Variants in CD109 observed in about 807,000 individuals in gnomAD.
CD109 encodes the protein CD109 molecule.
In CD109, 149 loss-of-function variants were observed where a neutral mutation model predicts 165.8. The ratio of observed to expected loss-of-function variants is 0.90; its 90% CI spans 0.79 to 1.03. The LOEUF (loss-of-function observed/expected upper bound fraction) is 1.03, where lower values mean the gene tolerates loss of function less well. Ranked by LOEUF, CD109 falls within the 50% of genes least tolerant of loss-of-function variation. The probability of loss-of-function intolerance (pLI) is 0.00; values close to 1 mark genes in which losing one functional copy is unlikely to be tolerated. For synonymous variants in CD109, 585 were observed against 592.1 expected, an observed-to-expected ratio of 0.99 and a Z score of 0.18; for missense variants, 1,712 against 1,677.8, an observed-to-expected ratio of 1.02 and a Z score of -0.36.
intron 2 of CD109, among the ~76,000 whole-genome samples, chr6:73,703,346 A>C (rs62438662): frequency 0.4 from 61,563 of 152,188 alleles, 13,241 homozygotes; most frequent in Non-Finnish European, 0.5. Flanking sequence ...AAGAATTACA[A>C]AATGAAATGC....
upstream of CD109, among the ~76,000 whole-genome samples, chr6:73,692,878 T>G (rs1770714170): frequency 1.3e-5 from 2 of 152,206 alleles, no homozygotes; most frequent in Non-Finnish European, 2.9e-5. Flanking sequence ...TTGTGAGGCC[T>G]CCCAGCCATG....
At chr6:73,703,447 G>A (rs560009125) in intron 2 of CD109, among the ~76,000 whole-genome samples, 6 of 152,308 alleles carry the variant, frequency 3.9e-5, no homozygotes, top group Non-Finnish European at 7.3e-5. Context: ...CTAATATATG[G>A]CTGGGAGACT....
intron 32 of CD109, among the ~76,000 whole-genome samples, chr6:73,822,609 A>C (rs193292898): frequency 1.4e-4 from 22 of 152,360 alleles, no homozygotes; most frequent in African/African-American, 5.0e-4. Flanking sequence ...ACTTAGTTGC[A>C]AAATTCCCCA....
chr6:73,772,505 CAA>C (rs1027095366), intron 15 of CD109, among the ~76,000 whole-genome samples: 128 of 39,540 alleles, frequency 3.2e-3, no homozygotes, highest in Middle Eastern at 0.019. Flanking sequence ...GACTCTGTCT[CAA>C]AAAAAAAAAA....
At chr6:73,712,408 G>C (rs117961220) in intron 2 of CD109, among the ~76,000 whole-genome samples, 1 of 152,166 alleles carries the variant, frequency 6.6e-6, no homozygotes, top group Non-Finnish European at 1.5e-5. Flanking sequence ...GTAGCAAAAG[G>C]CTGCCAAAAA....
intron 2 of CD109, among the ~76,000 whole-genome samples, chr6:73,707,720 A>G (rs933637993): frequency 1.3e-5 from 2 of 152,088 alleles, no homozygotes; most frequent in Non-Finnish European, 2.9e-5. Flanking sequence ...AGTATAAAAT[A>G]CATAATGGAT....
chr6:73,825,977 CAAAA>C lies in CD109; in HGVS notation c.*2347_*2350del, dbSNP rs1440301890. On this transcript the variant is annotated 3_prime_UTR_variant, in exon 33 of 33. Coordinates refer to ENST00000287097, the MANE Select transcript of CD109 (RefSeq NM_133493.5). ...TGGGGGACAGAGTGAGATTCTGTCT[CAAAA>C]AACAAAAAACAAAAAAGTCACCTTG... The C allele has an allele frequency of 6.6e-6, 1 of 151,878 alleles. No individual in the cohort carries two copies. The highest frequency in any genetic ancestry group is 1.9e-4 in the East Asian group (1 of 5,186). The allele number at this position is 151,878 out of a possible 1,614,324, so 9.4% of individuals were successfully genotyped here. A position where few individuals can be genotyped will look rare whatever the true frequency, so the allele number is the denominator to read the frequency against.
chr6:73,683,793 C>T, the CD109 span, among the ~76,000 whole-genome samples: 1 of 152,110 alleles, frequency 6.6e-6, no homozygotes, highest in Non-Finnish European at 1.5e-5. Flanking sequence ...ACATGGATGG[C>T]AGCAGGCAAA....
chr6:73,775,278 A>C (rs1774200128), intron 15 of CD109, among the ~76,000 whole-genome samples: 1 of 152,158 alleles, frequency 6.6e-6, no homozygotes, highest in African/African-American at 2.4e-5. Context: ...TACTGTAGTG[A>C]AGCAAATTTA....
intron 5 of CD109, among the ~76,000 whole-genome samples, chr6:73,744,886 C>G (rs1032088260): frequency 1.3e-5 from 2 of 152,120 alleles, no homozygotes; most frequent in African/African-American, 4.8e-5. Context: ...TATGTAGCAT[C>G]ATCAGTACAT....
intron 23 of CD109, among the ~76,000 whole-genome samples, chr6:73,798,217 C>T (rs575891434): frequency 4.6e-5 from 7 of 151,574 alleles, no homozygotes; most frequent in Non-Finnish European, 7.4e-5. Context: ...CAGGTTCAAG[C>T]GATTCTCCTG....
the CD109 span, among the ~76,000 whole-genome samples, chr6:73,686,590 T>C: frequency 6.6e-6 from 1 of 152,228 alleles, no homozygotes; most frequent in Admixed American, 6.5e-5. Context: ...GCTGAGTCTA[T>C]ACAATCCAAT....
At chr6:73,759,488 TA>T (rs1773529560) in intron 7 of CD109, among the ~76,000 whole-genome samples, 1 of 152,208 alleles carries the variant, frequency 6.6e-6, no homozygotes, top group Non-Finnish European at 1.5e-5. Context: ...ATTTGCTTTT[TA>T]AAAATTAGTC....
At chr6:73,732,242 G>A (rs1445004669) in intron 4 of CD109, among the ~76,000 whole-genome samples, 1 of 152,126 alleles carries the variant, frequency 6.6e-6, no homozygotes, top group Non-Finnish European at 1.5e-5. Flanking sequence ...AGGCCTTTTA[G>A]TTTGGTATCT....
At chr6:73,751,441 G>A (rs1383884583) in intron 5 of CD109, among the ~76,000 whole-genome samples, 1 of 151,548 alleles carries the variant, frequency 6.6e-6, no homozygotes, top group African/African-American at 2.4e-5. Flanking sequence ...CTCTTCTGAG[G>A]GCTTGCCTTA....
intron 5 of CD109, among the ~76,000 whole-genome samples, chr6:73,755,555 T>C (rs1773358746): frequency 6.6e-6 from 1 of 152,190 alleles, no homozygotes; most frequent in African/African-American, 2.4e-5. Context: ...CGTGTTTGAT[T>C]TGATAAATTT....
At chr6:73,769,100 G>A (rs1041478439) in intron 14 of CD109, among the ~76,000 whole-genome samples, 1 of 152,050 alleles carries the variant, frequency 6.6e-6, no homozygotes, top group African/African-American at 2.4e-5. Flanking sequence ...ATGTTGCTCA[G>A]GTTGGTCTCT....
chr6:73,820,613 C>A, intron 32 of CD109, 50 bp downstream of exon 32: 1 of 1,126,212 alleles, frequency 8.9e-7, no homozygotes, highest in South Asian at 1.4e-5. Context: ...GCCAGGCATT[C>A]ATTCATTTAT....
At chr6:73,798,112 T>TG (rs1775234173) in intron 23 of CD109, among the ~76,000 whole-genome samples, 1 of 146,398 alleles carries the variant, frequency 6.8e-6, no homozygotes, top group Non-Finnish European at 1.5e-5. Flanking sequence ...AGTGTCCTGT[T>TG]TTTTTTTTTT....
Sources: gnomAD v4.1 joint callset for allele counts (sites outside exome capture counted in the v4.1 genomes callset) on GRCh38, gnomAD v4.1.1 for gene constraint, MANE v1.5 for transcripts, NCBI Gene and HGNC (gene_info 2026-07-23, HGNC 2026-07-21) for gene names.